The following THSD7A variants were observed in gnomAD, a reference collection of about 807,000 sequenced individuals.
THSD7A encodes the protein thrombospondin type 1 domain containing 7A.
THSD7A carries 96 observed loss-of-function variants against 231.3 expected under a neutral mutation model. That is an observed-to-expected ratio of 0.41 (90% confidence interval 0.35 to 0.49). The LOEUF (loss-of-function observed/expected upper bound fraction) is 0.49. Among genes scored for constraint, THSD7A ranks in the 20% least tolerant of loss-of-function variants. The probability of loss-of-function intolerance (pLI) is 0.05; values close to 1 mark genes in which losing one functional copy is unlikely to be tolerated. For synonymous variants in THSD7A, 940 were observed against 743.3 expected, an observed-to-expected ratio of 1.26 and a Z score of -4.30; for missense variants, 2,290 against 2,070.2, an observed-to-expected ratio of 1.11 and a Z score of -2.06.
At chr7:11,423,385 T>C (rs1439463865) in intron 16 of THSD7A, among the ~76,000 whole-genome samples, 1 of 151,302 alleles carries the variant, frequency 6.6e-6, no homozygotes, top group Admixed American at 6.6e-5. Context: ...TTTTTTTTTT[T>C]TGAGATGGAG....
At chr7:11,769,153 A>ATATTTTTTTTTTTTTTTT in intron 1 of THSD7A, among the ~76,000 whole-genome samples, 2 of 27,642 alleles carry the variant, frequency 7.2e-5, no homozygotes, top group Non-Finnish European at 1.4e-4. Flanking sequence ...ATATATATAT[A>ATATTTTTTTTTTTTTTTT]TTTTTTTTTT....
chr7:11,740,777 G>T (rs908469334), intron 1 of THSD7A, among the ~76,000 whole-genome samples: 1 of 151,892 alleles, frequency 6.6e-6, no homozygotes, highest in Admixed American at 6.6e-5. Context: ...TATTGTGTGT[G>T]CATTTGTTTC....
chr7:11,558,925 AT>A (rs1789961609), intron 4 of THSD7A, among the ~76,000 whole-genome samples: 1 of 152,126 alleles, frequency 6.6e-6, no homozygotes. Flanking sequence ...ATCTACTTAC[AT>A]TATTACTTAA....
At chr7:11,801,090 C>T (rs1013279401) in intron 1 of THSD7A, among the ~76,000 whole-genome samples, 1 of 151,800 alleles carries the variant, frequency 6.6e-6, no homozygotes, top group African/African-American at 2.4e-5. Flanking sequence ...TCTCTTGGGC[C>T]CAGGAATTCA....
rs149579655 is a variant in THSD7A at position 11,426,749 on chromosome 7, A to G, written c.3244-78T>C. 17 of 1,421,950 alleles carry G rather than the reference A, an allele frequency of 1.2e-5. No individual in the cohort carries two copies. In the Admixed American group the frequency reaches 3.8e-4, roughly 32 times the overall value. 88.1% of individuals were successfully genotyped at this position (1,421,950 alleles called of 1,614,324 possible). A position where few individuals can be genotyped will look rare whatever the true frequency, so the allele number is the denominator to read the frequency against. On this transcript the variant is annotated intron_variant, in intron 14 of 27. Transcript: ENST00000423059. ...AAAATGTCAGTATGCTATGAGAAGA[A>G]CACATGGTAAGTTTCAAGTATTATT...
chr7:11,438,629 A>G (rs1263507367), intron 13 of THSD7A, among the ~76,000 whole-genome samples: 1 of 152,056 alleles, frequency 6.6e-6, no homozygotes, highest in African/African-American at 2.4e-5. Flanking sequence ...AAGGCATTAG[A>G]CAAACTATTC....
intron 4 of THSD7A, among the ~76,000 whole-genome samples, chr7:11,544,129 G>T (rs544098574): frequency 1.3e-5 from 2 of 152,090 alleles, no homozygotes; most frequent in Non-Finnish European, 2.9e-5. Flanking sequence ...AGATCACGAG[G>T]TCAAGAGCTA....
intron 23 of THSD7A, chr7:11,385,321 T>C (rs1782687694): frequency 6.6e-6 from 1 of 152,104 alleles, no homozygotes; most frequent in Non-Finnish European, 1.5e-5. Flanking sequence ...CTTCACTAGG[T>C]TGAAAATAAG....
intron 7 of THSD7A, among the ~76,000 whole-genome samples, chr7:11,479,865 C>A (rs983211106): frequency 1.9e-4 from 9 of 46,428 alleles, no homozygotes; most frequent in Non-Finnish European, 4.1e-4. Context: ...TCTTTTATGG[C>A]TTCCATGTTT....
chr7:11,715,307 C>T (rs2128150523), intron 1 of THSD7A, among the ~76,000 whole-genome samples: 1 of 151,464 alleles, frequency 6.6e-6, no homozygotes, highest in East Asian at 2.0e-4. Flanking sequence ...CAAGTTTATA[C>T]ATGGAAGACT....
intron 11 of THSD7A, among the ~76,000 whole-genome samples, chr7:11,456,200 A>C (rs1785303543): frequency 6.6e-6 from 1 of 152,016 alleles, no homozygotes; most frequent in Non-Finnish European, 1.5e-5. Context: ...ATTAACTCTG[A>C]ATGTCCAGCT....
Position 11,831,743 on chromosome 7 carries a change from T to C in THSD7A, c.190+14A>G. 2 of 1,437,638 alleles carry C rather than the reference T, an allele frequency of 1.4e-6. No homozygotes were observed. The highest frequency in any genetic ancestry group is 1.6e-5 in the South Asian group (1 of 63,016). The allele number at this position is 1,437,638 out of a possible 1,614,324, so 89.1% of individuals were successfully genotyped here. A position where few individuals can be genotyped will look rare whatever the true frequency, so the allele number is the denominator to read the frequency against. ...GATGTGAAGATGGGGAAAGGGTAAC[T>C]CCGTCCCACTTACCAGTCTTCCACA... On this transcript the variant is annotated intron_variant, in intron 1 of 27. Coordinates refer to ENST00000423059, the MANE Select transcript of THSD7A (RefSeq NM_015204.3). This position sits in a 1 kb window ranked among gnomAD's most constrained non-coding sequence, Gnocchi z 5.0.
chr7:11,557,785 G>A lies in THSD7A; in HGVS notation c.1454-14668C>T, dbSNP rs146007842. Among the ~76,000 whole-genome samples, 550 of 152,194 alleles carry A rather than the reference G, an allele frequency of 3.6e-3. 1 individual carries two copies. The highest frequency in any genetic ancestry group is 0.013 in the African/African-American group (530 of 41,526). ...TCTTCACTAACATTGTGGGGGTGGG[G>A]AGTGCTTTACCAGATAGCAACTAGC... On this transcript the variant is annotated intron_variant, in intron 4 of 27. Transcript: ENST00000423059.
Position 11,379,295 on chromosome 7 carries a change from G to T in THSD7A, c.4591-15C>A, listed in dbSNP as rs776426218. 2 of 1,612,824 alleles carry T rather than the reference G, an allele frequency of 1.2e-6. No homozygotes were observed. Among genetic ancestry groups the T allele is most frequent in the East Asian group, 2.2e-5 (1 of 44,860 alleles). ...CATGTTTTTGTCTGCAGGAGAACAA[G>T]AAGATTTATACTAGCCATGCAAGGA... On this transcript the variant is annotated splice_polypyrimidine_tract_variant and intron_variant, in intron 25 of 27. Transcript: ENST00000423059.
chr7:11,568,620 G>A (rs186943731), intron 4 of THSD7A, among the ~76,000 whole-genome samples: 700 of 58,280 alleles, frequency 0.012, 11 homozygotes, highest in African/African-American at 0.049. Context: ...GTGAAACTCC[G>A]TCTCAAAAAA....
intron 17 of THSD7A, among the ~76,000 whole-genome samples, chr7:11,416,907 G>C (rs1403306498): frequency 1.1e-4 from 17 of 152,298 alleles, no homozygotes; most frequent in Admixed American, 8.5e-4. Flanking sequence ...CACAGAGTCA[G>C]TGTGTAAAGA....
At chr7:11,721,521 TGTG>T (rs1157459715) in intron 1 of THSD7A, among the ~76,000 whole-genome samples, 7 of 110,044 alleles carry the variant, frequency 6.4e-5, no homozygotes, top group African/African-American at 2.3e-4. Context: ...CCTACGGAAC[TGTG>T]AGTCAATAAA....
rs1341011041 is a variant in THSD7A, at chr7:11,370,432, T to A, written c.*5362A>T. On this transcript the variant is annotated 3_prime_UTR_variant, in exon 28 of 28. Transcript: ENST00000423059. ...GTGCAAATCAAAACACAGATACACA[T>A]GATTAGAATGAAAATGATTTCCGTA... 6.6e-6 allele frequency: 1 copy of A among 152,122 alleles called. No homozygotes were observed. Among genetic ancestry groups the A allele is most frequent in the East Asian group, 1.9e-4 (1 of 5,196 alleles). 9.4% of individuals were successfully genotyped at this position (152,122 alleles called of 1,614,324 possible).
In THSD7A at chr7:11,643,622, C is replaced by CACAA. The variant is rs796323788; in HGVS notation, c.191-6662_191-6661insTTGT. Among the ~76,000 whole-genome samples, 271 of 151,492 alleles carry CACAA rather than the reference C, an allele frequency of 1.8e-3. 1 individual carries two copies. The highest frequency in any genetic ancestry group is 6.2e-3 in the African/African-American group (254 of 41,268). The stretch of plus-strand genomic sequence containing the variant: ...ACGCGCGCACACACACACACACACA[C>CACAA]AGATTGAACCTTCTATACTGTTATT... On this transcript the variant is annotated intron_variant, in intron 1 of 27. Coordinates refer to ENST00000423059, the MANE Select transcript of THSD7A (RefSeq NM_015204.3).
Sources: gnomAD v4.1 joint callset for allele counts (sites outside exome capture counted in the v4.1 genomes callset) on GRCh38, gnomAD v4.1.1 for gene constraint, Gnocchi (gnomAD v3.1) non-coding constraint, MANE v1.5 for transcripts, NCBI Gene and HGNC (gene_info 2026-07-23, HGNC 2026-07-21) for gene names.